TKTL1: variants seen among roughly 807,000 people sequenced by gnomAD.
TKTL1 encodes the protein transketolase-like protein 1.
Under a neutral mutation model 39.3 loss-of-function variants are expected in TKTL1, and 1 was observed. That is an observed-to-expected ratio of 0.03 (90% CI 0.01 to 0.12). The LOEUF is 0.12. TKTL1 is among the 10% of genes least tolerant of loss of function. The pLI is 1.00. For missense variants in TKTL1, 575 were observed against 509.6 expected (o/e 1.13, Z -1.24); for synonymous variants, 262 against 193.8 (o/e 1.35, Z -2.92).
chrX:154,305,114 G>A (rs782368289), intron 1 of TKTL1, 190 bp from the exon 2 acceptor site: 1 of 1,154,662 alleles, frequency 8.7e-7, no homozygotes, highest in South Asian at 1.9e-5. Flanking sequence ...CTGTGCACAG[G>A]GGGAGGGGTG....
intron 12 of TKTL1, among the ~76,000 whole-genome samples, chrX:154,328,256 G>A (rs1018699294): frequency 3.1e-4 from 34 of 110,139 alleles, no homozygotes; most frequent in Non-Finnish European, 4.7e-4. Context: ...TGAATAGTAT[G>A]CCCCAGGCCA....
chrX:154,320,643 G>C, intron 7 of TKTL1, 114 bp from the exon 8 acceptor site: 8 of 786,256 alleles, frequency 1.0e-5, no homozygotes, highest in Non-Finnish European at 1.5e-5. Context: ...ACGCATGCTA[G>C]AACTTCAGAG....
intron 1 of TKTL1, among the ~76,000 whole-genome samples, chrX:154,302,430 C>T (rs1413317599): frequency 9.0e-6 from 1 of 111,236 alleles, no homozygotes; most frequent in Non-Finnish European, 1.9e-5. Flanking sequence ...GATCAAGGTG[C>T]TAGCATGGTC....
At chrX:154,327,327 T>C (rs782468989) in intron 10 of TKTL1, 2 of 522,207 alleles carry the variant, frequency 3.8e-6, no homozygotes, top group Admixed American at 4.6e-5. Context: ...TGGAGTCCAA[T>C]CTTTGCATGC....
chrX:154,300,163 A>G (rs1233546281), intron 1 of TKTL1, among the ~76,000 whole-genome samples: 1 of 110,899 alleles, frequency 9.0e-6, no homozygotes, highest in Non-Finnish European at 1.9e-5. Context: ...CTACAGGCAC[A>G]CGCCACCACT....
Position 154,302,923 on chromosome X carries a change from G to C in TKTL1, c.135-2381G>C, listed in dbSNP as rs782694753. ...CGAAGAACACCTAGGGCCAGCAGTA[G>C]CTGGAGAGGCAGGGGCGAGGGCGAT... On this transcript the variant is annotated intron_variant, in intron 1 of 12. Coordinates refer to ENST00000369915, the MANE Select transcript of TKTL1 (RefSeq NM_012253.4). Among the ~76,000 whole-genome samples the C allele has an allele frequency of 6.3e-5, 7 of 111,161 alleles. No homozygotes were observed. The South Asian group carries it at 2.6e-3, about 42-fold the overall frequency.
chrX:154,308,093 C>G (rs1383622204), intron 2 of TKTL1, among the ~76,000 whole-genome samples: 1 of 111,902 alleles, frequency 8.9e-6, no homozygotes, highest in Non-Finnish European at 1.9e-5. Flanking sequence ...AGGAGGGTGA[C>G]AGGCAGGAAA....
At chrX:154,301,774 G>A (rs2067275470) in intron 1 of TKTL1, among the ~76,000 whole-genome samples, 1 of 92,213 alleles carries the variant, frequency 1.1e-5, no homozygotes, top group Admixed American at 1.2e-4. Flanking sequence ...TTTTTTTTTA[G>A]TAGAGACGGG....
intron 6 of TKTL1, among the ~76,000 whole-genome samples, chrX:154,313,362 A>G (rs782141917): frequency 1.1e-3 from 118 of 112,110 alleles, no homozygotes; most frequent in African/African-American, 3.7e-3. Context: ...CAAATGATGC[A>G]CAAAACTCTT....
At chrX:154,301,466 G>A (rs2067272768) in intron 1 of TKTL1, among the ~76,000 whole-genome samples, 1 of 111,935 alleles carries the variant, frequency 8.9e-6, no homozygotes, top group South Asian at 3.7e-4. Context: ...GCAGTGAGCC[G>A]AGAGAGTGCC....
chrX:154,311,281 C>T (rs986111145), intron 5 of TKTL1, 43 bp downstream of exon 5: 2 of 1,206,850 alleles, frequency 1.7e-6, no homozygotes, highest in Non-Finnish European at 2.2e-6. Flanking sequence ...TTAAAAGCAT[C>T]TGTCCGCTCA....
chrX:154,320,545 C>G (rs1191144842), intron 7 of TKTL1: 7 of 419,426 alleles, frequency 1.7e-5, no homozygotes, highest in Non-Finnish European at 2.9e-5. Flanking sequence ...TCATCTCTTG[C>G]TCCCTAGGAG....
intron 1 of TKTL1, among the ~76,000 whole-genome samples, chrX:154,298,965 T>C (rs1355662809): frequency 9.1e-6 from 1 of 109,535 alleles, no homozygotes; most frequent in Admixed American, 9.9e-5. Flanking sequence ...CCGCTTCGGC[T>C]CCCAAAGTGC....
chrX:154,316,170 C>T (rs1021731905), intron 7 of TKTL1, among the ~76,000 whole-genome samples: 1 of 111,273 alleles, frequency 9.0e-6, no homozygotes. Flanking sequence ...CCTGGGTTCA[C>T]GACATTCTCC....
Position 154,329,796 on chromosome X carries a change from C to G in TKTL1, c.*108C>G. The G allele has an allele frequency of 3.4e-6, 3 of 881,260 alleles. No homozygotes were observed. Among genetic ancestry groups the G allele is most frequent in the Non-Finnish European group, 4.8e-6 (3 of 626,386 alleles). 72.6% of individuals were successfully genotyped at this position (881,260 alleles called of 1,213,427 possible). ...ACATTTTGTTTCTTAAAAGCAAAGC[C>G]AGCTAACACCTTCATTCATCCCTAG... On this transcript the variant is annotated 3_prime_UTR_variant, in exon 13 of 13. Coordinates refer to ENST00000369915, the MANE Select transcript of TKTL1 (RefSeq NM_012253.4).
chrX:154,315,222 C>T lies in TKTL1; in HGVS notation c.914C>T (p.Ala305Val), dbSNP rs782663073. Residue 305 changes from alanine to valine, a missense_variant, in exon 7 of 13, where the codon GCG (alanine) becomes GTG (valine). Coordinates refer to ENST00000369915, the MANE Select transcript of TKTL1 (RefSeq NM_012253.4). ...CGLALAKLGY[A>V]NNRVVVLDGD... ...CTGGCTCTGGCTAAGCTGGGCTACG[C>T]GAACAACAGAGTCGTTGTGCTGGAT... 9.9e-6 allele frequency: 12 copies of T among 1,209,450 alleles called. No individual in the cohort carries two copies. The highest frequency in any genetic ancestry group is 3.5e-5 in the South Asian group (2 of 56,785).
chrX:154,309,534 G>A, intron 3 of TKTL1, 92 bp downstream of exon 3: 1 of 798,342 alleles, frequency 1.3e-6, no homozygotes, highest in Non-Finnish European at 1.9e-6. Flanking sequence ...CCGTGATGTG[G>A]AGAGCCCTGA....
chrX:154,318,707 CAAAAAAAA>C (rs1208196360), intron 7 of TKTL1, among the ~76,000 whole-genome samples: 3 of 30,133 alleles, frequency 1.0e-4, no homozygotes, highest in South Asian at 2.3e-3. Flanking sequence ...GCCTCCGTCT[CAAAAAAAA>C]AAAAAAAAAA....
At chrX:154,325,130 T>C (rs1425918788) in intron 9 of TKTL1, among the ~76,000 whole-genome samples, 1 of 112,202 alleles carries the variant, frequency 8.9e-6, no homozygotes, top group Non-Finnish European at 1.9e-5. Flanking sequence ...ATTGGTGTGA[T>C]GGCATGGGGG....
Sources: allele counts gnomAD v4.1 joint callset (sites outside exome capture counted in the v4.1 genomes callset), GRCh38; gene constraint gnomAD v4.1.1; transcripts MANE v1.5; gene names NCBI Gene and HGNC (gene_info 2026-07-23, HGNC 2026-07-21).